The following SLC8A1 variants were observed in gnomAD, a reference collection of about 807,000 sequenced individuals.
SLC8A1 encodes the protein solute carrier family 8 member A1.
A neutral mutation model predicts 68.3 loss-of-function variants in SLC8A1; 18 were observed. The ratio of observed to expected loss-of-function variants is 0.26; its 90% CI spans 0.18 to 0.39. The LOEUF (loss-of-function observed/expected upper bound fraction) is 0.39. Among genes scored for constraint, SLC8A1 ranks in the 10% least tolerant of loss-of-function variants. The probability of loss-of-function intolerance (pLI) is 1.00; values close to 1 mark genes in which losing one functional copy is unlikely to be tolerated. For missense variants in SLC8A1, 985 were observed against 1,156.7 expected (o/e 0.85, Z 2.15); for synonymous variants, 475 against 415.5 (o/e 1.14, Z -1.74).
At chr2:40,190,219 C>T (rs2051511522) in intron 2 of SLC8A1, among the ~76,000 whole-genome samples, 1 of 152,192 alleles carries the variant, frequency 6.6e-6, no homozygotes, top group Non-Finnish European at 1.5e-5. Context: ...TAGTTATTTT[C>T]CACTCAACTT....
chr2:40,195,801 G>A (rs756547732), intron 2 of SLC8A1: 14 of 152,076 alleles, frequency 9.2e-5, no homozygotes, highest in Non-Finnish European at 1.9e-4. Context: ...AAGACTCTCT[G>A]TATATTTGTC....
chr2:40,478,988 T>A (rs546106074), intron 1 of SLC8A1, among the ~76,000 whole-genome samples: 151 of 152,000 alleles, frequency 9.9e-4, no homozygotes, highest in African/African-American at 3.4e-3. Flanking sequence ...GCCAGGATAG[T>A]CTCAAACTCC....
intron 2 of SLC8A1, among the ~76,000 whole-genome samples, chr2:40,238,983 A>C (rs1426298510): frequency 1.3e-5 from 2 of 152,158 alleles, no homozygotes; most frequent in Non-Finnish European, 2.9e-5. Context: ...ACAGTTCCAA[A>C]ACATAAGATA....
intron 4 of SLC8A1, among the ~76,000 whole-genome samples, chr2:40,168,473 G>A (rs1446427492): frequency 6.6e-6 from 1 of 152,114 alleles, no homozygotes; most frequent in Non-Finnish European, 1.5e-5. Flanking sequence ...ATATGTAACT[G>A]AGAAATGGCA....
chr2:40,229,516 C>T (rs897014827), intron 2 of SLC8A1, among the ~76,000 whole-genome samples: 1 of 152,110 alleles, frequency 6.6e-6, no homozygotes, highest in African/African-American at 2.4e-5. Context: ...AGCTGCAAAA[C>T]TTTATTCATT....
At chr2:40,349,022 C>G (rs1380397597) in intron 2 of SLC8A1, among the ~76,000 whole-genome samples, 2 of 152,150 alleles carry the variant, frequency 1.3e-5, no homozygotes. Context: ...TCTTCTCCCA[C>G]AAAATACACA....
At chr2:40,416,472 AT>A (rs1327966113) in intron 2 of SLC8A1, among the ~76,000 whole-genome samples, 1 of 152,186 alleles carries the variant, frequency 6.6e-6, no homozygotes, top group Non-Finnish European at 1.5e-5. Context: ...AAACAAAAAA[AT>A]ATCATTTCCT....
intron 1 of SLC8A1, among the ~76,000 whole-genome samples, chr2:40,461,338 T>C (rs966135103): frequency 6.6e-6 from 1 of 152,180 alleles, no homozygotes; most frequent in Non-Finnish European, 1.5e-5. Flanking sequence ...GTTTTATTAT[T>C]GTGCCTAACT....
chr2:40,250,889 T>C (rs1574708101), intron 2 of SLC8A1: 1 of 152,154 alleles, frequency 6.6e-6, no homozygotes, highest in Non-Finnish European at 1.5e-5. Context: ...CAATGATTGA[T>C]TGGATCACAA....
chr2:40,284,020 T>C (rs1208218369), intron 2 of SLC8A1, among the ~76,000 whole-genome samples: 1 of 152,162 alleles, frequency 6.6e-6, no homozygotes, highest in Non-Finnish European at 1.5e-5. Flanking sequence ...GCAGTGGGCT[T>C]GGCCGTATTA....
At chr2:40,341,587 C>G (rs1301393118) in intron 2 of SLC8A1, among the ~76,000 whole-genome samples, 3 of 152,124 alleles carry the variant, frequency 2.0e-5, no homozygotes, top group Admixed American at 6.5e-5. Context: ...TTATTGTTTT[C>G]AAAATATGAA....
intron 2 of SLC8A1, among the ~76,000 whole-genome samples, chr2:40,394,791 T>C (rs1331848630): frequency 6.6e-6 from 1 of 152,106 alleles, no homozygotes; most frequent in Admixed American, 6.6e-5. Context: ...AAGGAACATA[T>C]TAATCTACCC....
chr2:40,213,672 T>C (rs1482572955), intron 2 of SLC8A1, among the ~76,000 whole-genome samples: 3 of 152,132 alleles, frequency 2.0e-5, no homozygotes, highest in African/African-American at 7.2e-5. Context: ...TCCCCCGTCA[T>C]CTCAAATATT....
intron 2 of SLC8A1, among the ~76,000 whole-genome samples, chr2:40,232,347 A>G (rs78406072): frequency 5.8e-4 from 88 of 150,872 alleles, no homozygotes; most frequent in African/African-American, 2.1e-3. Flanking sequence ...TTACAGACAG[A>G]TTGTATTATT....
chr2:40,478,504 C>G (rs1488881058), intron 1 of SLC8A1, among the ~76,000 whole-genome samples: 1 of 152,132 alleles, frequency 6.6e-6, no homozygotes, highest in Non-Finnish European at 1.5e-5. Context: ...CATGAGTTAG[C>G]TAGTCAAATG....
intron 2 of SLC8A1, among the ~76,000 whole-genome samples, chr2:40,387,535 C>T (rs1267420821): frequency 6.6e-6 from 1 of 151,300 alleles, no homozygotes; most frequent in Non-Finnish European, 1.5e-5. Context: ...ATTGTTCTCA[C>T]TGTTATTTAT....
intron 2 of SLC8A1, among the ~76,000 whole-genome samples, chr2:40,287,620 G>GTGTGTGTGTGTGTGTGTGTGTGT: frequency 6.7e-6 from 1 of 149,906 alleles, no homozygotes; most frequent in African/African-American, 2.5e-5. Flanking sequence ...GTGTGTGTGT[G>GTGTGTGTGTGTGTGTGTGTGTGT]CATGCAGGGA....
At chr2:40,249,956 T>G (rs1264491202) in intron 2 of SLC8A1, among the ~76,000 whole-genome samples, 3 of 152,190 alleles carry the variant, frequency 2.0e-5, no homozygotes, top group African/African-American at 7.2e-5. Flanking sequence ...TATTAAAAAG[T>G]AAACATCCAA....
At chr2:40,508,483 C>G (rs1289900989) in intron 1 of SLC8A1, among the ~76,000 whole-genome samples, 2 of 151,708 alleles carry the variant, frequency 1.3e-5, no homozygotes, top group Non-Finnish European at 2.9e-5. Flanking sequence ...TTTTCTAAAA[C>G]AATATAAAAT....
Sources: allele counts gnomAD v4.1 joint callset (sites outside exome capture counted in the v4.1 genomes callset), GRCh38; gene constraint gnomAD v4.1.1; transcripts MANE v1.5; gene names NCBI Gene and HGNC (gene_info 2026-07-23, HGNC 2026-07-21).